The following CACNG2 variants were observed in gnomAD, a reference collection of about 807,000 sequenced individuals.
CACNG2 encodes the protein calcium voltage-gated channel auxiliary subunit gamma 2.
A neutral mutation model predicts 25.9 loss-of-function variants in CACNG2; 3 were observed. That is an observed-to-expected ratio of 0.12 (90% CI 0.05 to 0.30). CACNG2 has a LOEUF of 0.30. CACNG2 is among the 10% of genes least tolerant of loss of function. The pLI is 1.00. For synonymous variants in CACNG2, 167 were observed against 173.3 expected, an observed-to-expected ratio of 0.96 and a Z score of 0.29; for missense variants, 341 against 432.5, an observed-to-expected ratio of 0.79 and a Z score of 1.88.
chr22:36,646,742 C>T (rs1444907305), intron 1 of CACNG2, among the ~76,000 whole-genome samples: 1 of 151,572 alleles, frequency 6.6e-6, no homozygotes, highest in Non-Finnish European at 1.5e-5. Flanking sequence ...CCTTTTCTTC[C>T]CCCTGGGCTC....
intron 1 of CACNG2, among the ~76,000 whole-genome samples, chr22:36,620,176 C>T (rs1403457376): frequency 6.6e-6 from 1 of 152,226 alleles, no homozygotes; most frequent in African/African-American, 2.4e-5. Flanking sequence ...TCTGTGACTT[C>T]GCTCAGATTA....
intron 1 of CACNG2, among the ~76,000 whole-genome samples, chr22:36,600,578 G>A (rs908665969): frequency 1.4e-5 from 2 of 147,366 alleles, no homozygotes; most frequent in African/African-American, 2.5e-5. Context: ...ACGGAGTCTT[G>A]CTCTGTTGCC....
Position 36,702,662 on chromosome 22 carries a change from A to T in CACNG2, c.-86T>A. The T allele has an allele frequency of 1.1e-6, 1 of 872,854 alleles. No homozygotes were observed. Among genetic ancestry groups the T allele is most frequent in the Non-Finnish European group, 1.9e-6 (1 of 530,284 alleles). The allele number at this position is 872,854 out of a possible 1,614,324, so 54.1% of individuals were successfully genotyped here. A position where few individuals can be genotyped will look rare whatever the true frequency, so the allele number is the denominator to read the frequency against. Reference sequence around the variant, plus strand: ...TGCAAGTACTAAAGCCAAAAAAAATAAATAAAAATAAAAATTATTCCACTA... The same window carrying T: ...TGCAAGTACTAAAGCCAAAAAAAATTAATAAAAATAAAAATTATTCCACTA... On this transcript the variant is annotated 5_prime_UTR_variant, in exon 1 of 4. Transcript: ENST00000300105.
chr22:36,624,548 A>G (rs1422521741), intron 1 of CACNG2, among the ~76,000 whole-genome samples: 2 of 152,124 alleles, frequency 1.3e-5, no homozygotes, highest in Non-Finnish European at 2.9e-5. Flanking sequence ...CCCTCCCTGC[A>G]TATCTTTCTA....
At chr22:36,680,193 TACC>T (rs1348829378) in intron 1 of CACNG2, among the ~76,000 whole-genome samples, 1 of 102,566 alleles carries the variant, frequency 9.7e-6, no homozygotes. Context: ...CCACCATCAC[TACC>T]ACCACCATCA....
chr22:36,679,197 C>CCTTCCTTTCTTTCTTCCTTT (rs1491420417), intron 1 of CACNG2, among the ~76,000 whole-genome samples: 7 of 54,786 alleles, frequency 1.3e-4, no homozygotes, highest in African/African-American at 4.2e-4. Context: ...TTCCTTCCTT[C>CCTTCCTTTCTTTCTTCCTTT]CTTTCTTTCT....
intron 1 of CACNG2, among the ~76,000 whole-genome samples, chr22:36,595,968 C>A (rs1040459007): frequency 3.9e-5 from 6 of 152,250 alleles, no homozygotes; most frequent in African/African-American, 1.4e-4. Context: ...GAGGTTTCAT[C>A]AGCTTTGTAA....
At chr22:36,594,465 C>T (rs1187820189) in intron 1 of CACNG2, among the ~76,000 whole-genome samples, 1 of 152,222 alleles carries the variant, frequency 6.6e-6, no homozygotes, top group African/African-American at 2.4e-5. Context: ...AAGGAACTTG[C>T]AGTCTATGAT....
At chr22:36,594,592 C>A (rs369139802) in intron 1 of CACNG2, among the ~76,000 whole-genome samples, 26 of 152,204 alleles carry the variant, frequency 1.7e-4, no homozygotes, top group African/African-American at 6.0e-4. Context: ...GTGTGGGTGA[C>A]AAAGGCCTCC....
At chr22:36,592,608 T>A (rs546171553) in intron 1 of CACNG2, among the ~76,000 whole-genome samples, 1 of 152,300 alleles carries the variant, frequency 6.6e-6, no homozygotes, top group South Asian at 2.1e-4. Context: ...AAATGATTCA[T>A]CAAATTATTC....
At chr22:36,650,661 C>T (rs1432138833) in intron 1 of CACNG2, among the ~76,000 whole-genome samples, 1 of 152,162 alleles carries the variant, frequency 6.6e-6, no homozygotes, top group Non-Finnish European at 1.5e-5. Context: ...GCAGGTGTGA[C>T]CCACTGCACC....
Position 36,702,652 on chromosome 22 carries a change from C to CA in CACNG2, c.-77dup, listed in dbSNP as rs200491685. The CA allele has an allele frequency of 0.013, 13,723 of 1,034,580 alleles. 229 individuals carry two copies. Among genetic ancestry groups the CA allele is most frequent in the East Asian group, 0.035 (1,432 of 40,376 alleles). The allele number at this position is 1,034,580 out of a possible 1,614,324, so 64.1% of individuals were successfully genotyped here. A position where few individuals can be genotyped will look rare whatever the true frequency, so the allele number is the denominator to read the frequency against. Reference sequence around the variant, plus strand: ...TGTGTGAGGGTGCAAGTACTAAAGCCAAAAAAAATAAATAAAAATAAAAAT... The same window carrying CA: ...TGTGTGAGGGTGCAAGTACTAAAGCCAAAAAAAAATAAATAAAAATAAAAAT... On this transcript the variant is annotated 5_prime_UTR_variant, in exon 1 of 4. Coordinates refer to ENST00000300105, the MANE Select transcript of CACNG2 (RefSeq NM_006078.5).
At position 36,615,539 on chromosome 22, in the gene CACNG2, G is replaced by C. The variant is rs186433061; in HGVS notation, c.212-27991C>G. On this transcript the variant is annotated intron_variant, in intron 1 of 3. Transcript: ENST00000300105. Reference sequence around the variant, plus strand: ...CATGATGGGCTCCTCACTTATTCAGGACAAAAATGATATGACCATCATTCT... The same window carrying C: ...CATGATGGGCTCCTCACTTATTCAGCACAAAAATGATATGACCATCATTCT... Among the ~76,000 whole-genome samples, 6 of 152,276 alleles carry C rather than the reference G, an allele frequency of 3.9e-5. No individual in the cohort carries two copies. In the East Asian group the frequency reaches 1.2e-3, roughly 29 times the overall value.
chr22:36,587,481 T>G lies in CACNG2; in HGVS notation c.279A>C (p.Thr93=), dbSNP rs370803277. 1.2e-5 allele frequency: 19 copies of G among 1,612,556 alleles called. No homozygotes were observed. The highest frequency in any genetic ancestry group is 1.5e-5 in the Non-Finnish European group (18 of 1,178,518). ...FPEDADYEAD[T]AEYFLRAVRA... ...TGCACTCACGGAGGAAATATTCTGC[T>G]GTGTCAGCTTCGTAATCTGCATCCT... The change falls in exon 2 of 4, where the codon ACA becomes ACC. Residue 93 remains threonine, a synonymous_variant. Transcript: ENST00000300105.
At position 36,703,323 on chromosome 22, in the gene CACNG2, G is replaced by A. The variant is rs569453764; in HGVS notation, c.-747C>T. On this transcript the variant is annotated 5_prime_UTR_variant, in exon 1 of 4. Transcript: ENST00000300105. ...AGGACGAGCAGCGGCGGCGGTTATT[G>A]TTGTTGGTGGCGGGGGTAGTGTTGG... 9.0e-5 allele frequency: 14 copies of A among 154,900 alleles called. No individual in the cohort carries two copies. The South Asian group carries it at 1.6e-3, about 18-fold the overall frequency. 9.6% of individuals were successfully genotyped at this position (154,900 alleles called of 1,614,324 possible).
At chr22:36,646,700 C>T (rs1213665121) in intron 1 of CACNG2, among the ~76,000 whole-genome samples, 1 of 151,804 alleles carries the variant, frequency 6.6e-6, no homozygotes, top group East Asian at 1.9e-4. Context: ...CTCTTTTCTT[C>T]AGCTTGGGAT....
At chr22:36,592,330 T>C (rs1444852954) in intron 1 of CACNG2, among the ~76,000 whole-genome samples, 1 of 150,378 alleles carries the variant, frequency 6.6e-6, no homozygotes, top group African/African-American at 2.5e-5. Flanking sequence ...TGCATGGGAG[T>C]GAGCTGCAAC....
intron 1 of CACNG2, among the ~76,000 whole-genome samples, chr22:36,619,137 G>T (rs1391090332): frequency 6.6e-6 from 1 of 151,952 alleles, no homozygotes; most frequent in Non-Finnish European, 1.5e-5. Flanking sequence ...TGAAGGGATG[G>T]CCCAAGATCG....
chr22:36,587,355 CCCTCTGCTGTGATGAGGG>C, intron 2 of CACNG2, 92 bp downstream of exon 2: 1 of 824,028 alleles, frequency 1.2e-6, no homozygotes, highest in South Asian at 1.3e-5. Flanking sequence ...CTTTTTCCTG[CCCTCTGCTGTGATGAGGG>C]CCTCTAGGTA....
Sources: gnomAD v4.1 joint callset for allele counts (sites outside exome capture counted in the v4.1 genomes callset) on GRCh38, gnomAD v4.1.1 for gene constraint, MANE v1.5 for transcripts, NCBI Gene and HGNC (gene_info 2026-07-23, HGNC 2026-07-21) for gene names.